The following USP29 variants were observed in gnomAD, a reference collection of about 807,000 sequenced individuals.
The protein encoded by USP29 is ubiquitin carboxyl-terminal hydrolase 29.
For missense variants in USP29, 1,102 were observed against 1,069.0 expected, an observed-to-expected ratio of 1.03 and a Z score of -0.43; for synonymous variants, 386 against 387.4, an observed-to-expected ratio of 1.00 and a Z score of 0.04.
chr19:57,129,025 G>A lies in USP29; in HGVS notation c.350G>A (p.Trp117Ter), dbSNP rs115963329. 4.5e-5 allele frequency: 73 copies of A among 1,614,062 alleles called. No individual in the cohort carries two copies. In the African/African-American group the frequency reaches 9.3e-4, roughly 21 times the overall value. ...CAACCCATGAAATCTGATGATGATTGGAGTGTGTTTGAAAGCAGGAATATG... is the reference window on the plus strand; with the variant it reads ...CAACCCATGAAATCTGATGATGATTAGAGTGTGTTTGAAAGCAGGAATATG... ...SQQPMKSDDD[W>*]SVFESRNMLK... Residue 117 changes from tryptophan to a stop codon, truncating the protein, a stop_gained, in exon 4 of 4, where the codon TGG (tryptophan) becomes TAG (stop). Coordinates refer to ENST00000254181, the MANE Select transcript of USP29 (RefSeq NM_020903.3). LOFTEE classifies it low-confidence loss of function (END_TRUNC).
chr19:57,123,312 C>T (rs1434457945), intron 2 of USP29, among the ~76,000 whole-genome samples: 1 of 152,200 alleles, frequency 6.6e-6, no homozygotes, highest in Non-Finnish European at 1.5e-5. Flanking sequence ...ATAAAAGTCA[C>T]TAAACTCCCT....
chr19:57,128,252 T>C (rs1219562258), intron 3 of USP29, among the ~76,000 whole-genome samples: 2 of 152,212 alleles, frequency 1.3e-5, no homozygotes. Context: ...TAAAAAATTT[T>C]ATGTAGCGAT....
rs1416703733 is a variant in USP29 at position 57,128,684 on chromosome 19, T to A, written c.9T>A (p.Ser3=). The change falls in exon 4 of 4, where the codon TCT becomes TCA. Residue 3 remains serine (S), a synonymous_variant. Coordinates refer to ENST00000254181, the MANE Select transcript of USP29 (RefSeq NM_020903.3). MI[S]LKVCGFIQIW... ...GGTTACATAAAGAAAGGATGATATC[T>A]CTAAAGGTATGTGGATTCATCCAAA... 6.3e-7 allele frequency: 1 copy of A among 1,586,226 alleles called. No homozygotes were observed. Among genetic ancestry groups the A allele is most frequent in the African/African-American group, 1.4e-5 (1 of 73,238 alleles).
chr19:57,122,903 AT>A (rs1419939362), intron 2 of USP29, among the ~76,000 whole-genome samples: 1 of 152,130 alleles, frequency 6.6e-6, no homozygotes, highest in African/African-American at 2.4e-5. Context: ...AGAGGCAATA[AT>A]TTATCAGCAG....
intron 2 of USP29, 55 bp downstream of exon 2, chr19:57,122,529 G>A (rs1483902531): frequency 6.6e-6 from 1 of 151,416 alleles, no homozygotes; most frequent in Non-Finnish European, 1.5e-5. Flanking sequence ...GTGTGTGTGT[G>A]TGTGTGTGTG....
At chr19:57,122,956 A>G (rs928496396) in intron 2 of USP29, among the ~76,000 whole-genome samples, 24 of 152,142 alleles carry the variant, frequency 1.6e-4, no homozygotes, top group African/African-American at 5.8e-4. Flanking sequence ...CACTCTATAT[A>G]TTATGTTAGG....
At position 57,130,085 on chromosome 19, in the gene USP29, G is replaced by C. The variant is rs1320860248; in HGVS notation, c.1410G>C (p.Gln470His). The part of the protein sequence containing the change: ...QETKPLPLSI[Q>H]NSLDLFFKEE... ...CAAAACCACTTCCTTTGTCCATTCA[G>C]AATTCTTTAGATCTTTTCTTTAAAG... is the stretch of plus-strand genomic sequence containing the variant. Residue 470 changes from glutamine to histidine, a missense_variant, in exon 4 of 4, where the codon CAG becomes CAC. By Grantham distance (24) the Gln-to-His change is conservative. Coordinates refer to ENST00000254181, the MANE Select transcript of USP29 (RefSeq NM_020903.3). 6.2e-7 allele frequency: 1 copy of C among 1,613,330 alleles called. No individual in the cohort carries two copies. The highest frequency in any genetic ancestry group is 1.3e-5 in the African/African-American group (1 of 74,818).
At position 57,131,501 on chromosome 19, in the gene USP29, C is replaced by A; in HGVS notation, c.*57C>A. On this transcript the variant is annotated 3_prime_UTR_variant, in exon 4 of 4. Coordinates refer to ENST00000254181, the MANE Select transcript of USP29 (RefSeq NM_020903.3). The stretch of plus-strand genomic sequence containing the variant: ...AAGAGAATCCTGTACTTCATCCTTG[C>A]AAAGAGAATCCTGTACTTCACTCAG... 6.6e-7 allele frequency: 1 copy of A among 1,521,646 alleles called. No individual in the cohort carries two copies. The highest frequency in any genetic ancestry group is 1.3e-5 in the South Asian group (1 of 75,352). The allele number at this position is 1,521,646 out of a possible 1,614,324, so 94.3% of individuals were successfully genotyped here. A position where few individuals can be genotyped will look rare whatever the true frequency, so the allele number is the denominator to read the frequency against.
chr19:57,129,846 T>G lies in USP29; in HGVS notation c.1171T>G (p.Leu391Val), dbSNP rs765295955. 6 of 1,614,008 alleles carry G rather than the reference T, an allele frequency of 3.7e-6. No individual in the cohort carries two copies. In the East Asian group the frequency reaches 1.3e-4, roughly 36 times the overall value. Residue 391 changes from leucine (L) to valine (V), a missense_variant, in exon 4 of 4, where the codon TTA becomes GTA. Coordinates refer to ENST00000254181, the MANE Select transcript of USP29 (RefSeq NM_020903.3). The part of the protein sequence containing the change: ...LDQLKEDMEK[L>V]NATLNTGKEC... ...CCAGCTGAAAGAAGACATGGAAAAA[T>G]TAAATGCCACTTTGAATACTGGGAA... is the stretch of plus-strand genomic sequence containing the variant.
At chr19:57,124,331 T>A (rs953669587) in intron 3 of USP29, among the ~76,000 whole-genome samples, 192 bp downstream of exon 3, 4 of 150,180 alleles carry the variant, frequency 2.7e-5, no homozygotes, top group African/African-American at 9.8e-5. Flanking sequence ...TTGAGATGTC[T>A]TTCCCTTCAT....
rs764109264 is a variant in USP29, at chr19:57,129,044, G to A, written c.369G>A (p.Arg123=). 2.0e-5 allele frequency: 33 copies of A among 1,613,306 alleles called. No homozygotes were observed. The highest frequency in any genetic ancestry group is 2.5e-5 in the Non-Finnish European group (30 of 1,179,820). The change falls in exon 4 of 4, where the codon AGG becomes AGA. Residue 123 remains arginine, a synonymous_variant. Transcript: ENST00000254181. ...ATGATTGGAGTGTGTTTGAAAGCAG[G>A]AATATGCTGAAGGAAATTGACAAAA... ...SDDDWSVFES[R]NMLKEIDKTS...
rs368229000 is a variant in USP29 at position 57,129,978 on chromosome 19, T to G, written c.1303T>G (p.Ser435Ala). Residue 435 changes from serine to alanine, a missense_variant, in exon 4 of 4, where the codon TCC becomes GCC. Ser to Ala is a moderately conservative substitution (Grantham distance 99). Coordinates refer to ENST00000254181, the MANE Select transcript of USP29 (RefSeq NM_020903.3). Reference sequence around the variant, plus strand: ...TAATTTTGAGTTTGAATTGCAGCTCTCCCTTATTTGTAAAGCTTGTGGTCA... The same window carrying G: ...TAATTTTGAGTTTGAATTGCAGCTCGCCCTTATTTGTAAAGCTTGTGGTCA... ...VANFEFELQL[S>A]LICKACGHAV... The G allele has an allele frequency of 1.0e-4, 164 of 1,614,100 alleles. No individual in the cohort carries two copies. Among genetic ancestry groups the G allele is most frequent in the Non-Finnish European group, 1.4e-4 (160 of 1,180,044 alleles).
Position 57,130,093 on chromosome 19 carries a change from T to C in USP29, c.1418T>C (p.Leu473Ser), listed in dbSNP as rs562079964. ...CTTCCTTTGTCCATTCAGAATTCTT[T>C]AGATCTTTTCTTTAAAGAAGAAGAG... ...KPLPLSIQNS[L>S]DLFFKEEELE... The change falls in exon 4 of 4, where the codon TTA (leucine) becomes TCA (serine). Residue 473 changes from leucine (L) to serine (S), a missense_variant. Physicochemically the swap from Leu to Ser is moderately radical, Grantham distance 145 (BLOSUM62 -2). Transcript: ENST00000254181. 5.0e-6 allele frequency: 8 copies of C among 1,613,560 alleles called. No individual in the cohort carries two copies. Among genetic ancestry groups the C allele is most frequent in the African/African-American group, 1.3e-5 (1 of 74,990 alleles).
chr19:57,127,618 G>T (rs2086830423), intron 3 of USP29, among the ~76,000 whole-genome samples: 1 of 152,152 alleles, frequency 6.6e-6, no homozygotes, highest in South Asian at 2.1e-4. Context: ...AATCACGGAT[G>T]CGCCTCCCCC....
chr19:57,129,918 G>C lies in USP29; in HGVS notation c.1243G>C (p.Ala415Pro), dbSNP rs370932167. The C allele has an allele frequency of 2.5e-6, 4 of 1,614,180 alleles. No individual in the cohort carries two copies. Among genetic ancestry groups the C allele is most frequent in the Non-Finnish European group, 3.4e-6 (4 of 1,180,030 alleles). The change falls in exon 4 of 4, where the codon GCT becomes CCT. Residue 415 changes from alanine to proline, a missense_variant. Coordinates refer to ENST00000254181, the MANE Select transcript of USP29 (RefSeq NM_020903.3). ...ATCTCCACAAATGCATGTTGGTAGT[G>C]CTGCCACCAAAGTGTTTGTTTGCCC... ...NSSPQMHVGS[A>P]ATKVFVCPVV... is the part of the protein sequence containing the mutation.
intron 1 of USP29, among the ~76,000 whole-genome samples, chr19:57,120,814 CAG>C (rs1455459169): frequency 2.5e-5 from 2 of 80,062 alleles, no homozygotes; most frequent in Admixed American, 1.4e-4. Context: ...AAAAAAAAAA[CAG>C]AAAAAAGGCC....
At chr19:57,120,881 G>C (rs890476799) in intron 1 of USP29, among the ~76,000 whole-genome samples, 1 of 151,420 alleles carries the variant, frequency 6.6e-6, no homozygotes, top group Non-Finnish European at 1.5e-5. Flanking sequence ...AAGGCGGGCG[G>C]ATCAGGAGTT....
intron 3 of USP29, among the ~76,000 whole-genome samples, chr19:57,125,295 T>A (rs2086818075): frequency 6.6e-6 from 1 of 152,126 alleles, no homozygotes; most frequent in East Asian, 1.9e-4. Flanking sequence ...CTTCGAATTA[T>A]GTGGTCAATT....
At chr19:57,128,058 G>GC (rs34124799) in intron 3 of USP29, among the ~76,000 whole-genome samples, 82,732 of 151,874 alleles carry the variant, frequency 0.54, 22,994 homozygotes, top group East Asian at 0.77. Context: ...GTGAGGCAAT[G>GC]CCCCACCCTG....
Sources: allele counts gnomAD v4.1 joint callset (sites outside exome capture counted in the v4.1 genomes callset), GRCh38; gene constraint gnomAD v4.1.1; transcripts MANE v1.5; gene names NCBI Gene and HGNC (gene_info 2026-07-23, HGNC 2026-07-21).